Variants in MORC4 observed in about 807,000 individuals in gnomAD.
The protein encoded by MORC4 is MORC family CW-type zinc finger 4, also known as MORC family CW-type zinc finger protein 4.
Under a neutral mutation model 65.5 loss-of-function variants are expected in MORC4, and 22 were observed. The ratio of observed to expected loss-of-function variants is 0.34; its 90% CI spans 0.24 to 0.48. MORC4 has a LOEUF of 0.48. Among genes scored for constraint, MORC4 ranks in the 20% least tolerant of loss-of-function variants. MORC4 has a pLI of 0.99. For missense variants in MORC4, 624 were observed against 703.0 expected (o/e 0.89, Z 1.27); for synonymous variants, 267 against 255.8 (o/e 1.04, Z -0.42).
Position 106,956,516 on chromosome X carries a change from C to T in MORC4, c.1473G>A (p.Glu491=). The T allele has an allele frequency of 8.3e-7, 1 of 1,207,469 alleles. No individual in the cohort carries two copies. The highest frequency in any genetic ancestry group is 1.1e-6 in the Non-Finnish European group (1 of 891,515). The part of the protein sequence containing the change: ...KAKKQEQTVE[E]KKKMPMENEN... ...CATTTTCCATAGGCATCTTCTTCTT[C>T]TCCTCAACAGTTTGTTCTCTAGGAG... Residue 491 remains glutamate, a synonymous_variant, in exon 13 of 17, where the codon GAG becomes GAA. Coordinates refer to ENST00000355610, the MANE Select transcript of MORC4 (RefSeq NM_024657.5).
intron 13 of MORC4, 63 bp from the exon 14 acceptor site, chrX:106,955,151 C>G (rs1030017149): frequency 1.2e-6 from 1 of 839,874 alleles, no homozygotes; most frequent in Non-Finnish European, 1.7e-6. Flanking sequence ...AAGGATGAGT[C>G]AATCCTTCTG....
chrX:106,976,318 T>C (rs1191068742), intron 9 of MORC4, among the ~76,000 whole-genome samples: 1 of 112,020 alleles, frequency 8.9e-6, no homozygotes, highest in Non-Finnish European at 1.9e-5. Context: ...AAGCTTTTCA[T>C]TTCCCCAGAA....
chrX:106,951,057 T>C (rs1933955568), intron 14 of MORC4, among the ~76,000 whole-genome samples: 1 of 112,040 alleles, frequency 8.9e-6, no homozygotes, highest in African/African-American at 3.3e-5. Context: ...GAGTCCACTA[T>C]GCTCCTCATT....
intron 9 of MORC4, among the ~76,000 whole-genome samples, chrX:106,966,601 G>A (rs1272332019): frequency 1.8e-5 from 2 of 112,861 alleles, no homozygotes; most frequent in South Asian, 3.6e-4. Flanking sequence ...CTTTTCCCTC[G>A]GTCTTTGCAA....
At chrX:106,975,775 T>A (rs1429931348) in intron 9 of MORC4, among the ~76,000 whole-genome samples, 4 of 111,204 alleles carry the variant, frequency 3.6e-5, no homozygotes, top group Non-Finnish European at 7.6e-5. Context: ...TTCCTTCATA[T>A]TTAATATCAA....
intron 14 of MORC4, among the ~76,000 whole-genome samples, chrX:106,943,519 G>C (rs1193350608): frequency 2.7e-5 from 3 of 111,593 alleles, no homozygotes; most frequent in Non-Finnish European, 5.6e-5. Context: ...AAAGATGCAA[G>C]TCAAGAGGGA....
chrX:106,968,785 C>T (rs113680453), intron 9 of MORC4, among the ~76,000 whole-genome samples: 9,321 of 110,283 alleles, frequency 0.085, 996 homozygotes, highest in African/African-American at 0.29. Flanking sequence ...GAGCTAACTA[C>T]CCTAAATATA....
In MORC4 at chrX:106,975,001, C is replaced by A. The variant is rs748071035; in HGVS notation, c.1157+1583G>T. 1.4e-3 allele frequency among the ~76,000 whole-genome samples: 160 copies of A among 111,041 alleles called. 1 individual carries two copies. The highest frequency in any genetic ancestry group is 4.9e-3 in the African/African-American group (150 of 30,600). ...ATGTTATGCTAAGTAAGTCAGAAATCCTGTGTGTTCAACTGAATAAATCTA... is the reference window on the plus strand; with the variant it reads ...ATGTTATGCTAAGTAAGTCAGAAATACTGTGTGTTCAACTGAATAAATCTA... On this transcript the variant is annotated intron_variant, in intron 9 of 16. Coordinates refer to ENST00000355610, the MANE Select transcript of MORC4 (RefSeq NM_024657.5).
chrX:106,964,305 T>C (rs1413777127), intron 9 of MORC4, among the ~76,000 whole-genome samples: 1 of 111,361 alleles, frequency 9.0e-6, no homozygotes, highest in Non-Finnish European at 1.9e-5. Context: ...ATCAGTGAAC[T>C]TGAAGATAAA....
intron 12 of MORC4, 88 bp downstream of exon 12, chrX:106,956,848 A>G: frequency 1.4e-6 from 1 of 708,313 alleles, no homozygotes; most frequent in Non-Finnish European, 2.1e-6. Context: ...AACCAAAAAA[A>G]TTCTCTCTTC....
chrX:106,971,444 A>G (rs1316847960), intron 9 of MORC4, among the ~76,000 whole-genome samples: 1 of 112,318 alleles, frequency 8.9e-6, no homozygotes, highest in Non-Finnish European at 1.9e-5. Flanking sequence ...AGCAATGGCA[A>G]CAAAAGCCAA....
chrX:106,965,184 A>G (rs764876211), intron 9 of MORC4, among the ~76,000 whole-genome samples: 2 of 112,179 alleles, frequency 1.8e-5, no homozygotes, highest in South Asian at 7.4e-4. Context: ...TGTGATAACA[A>G]CTGAAAGGAA....
intron 15 of MORC4, 47 bp from the exon 16 acceptor site, chrX:106,942,268 C>G (rs763281544): frequency 1.7e-6 from 2 of 1,156,572 alleles, no homozygotes; most frequent in Admixed American, 5.0e-5. Flanking sequence ...AAAGAGCACG[C>G]CAAAAACCGT....
chrX:106,979,044 T>C (rs966869300), intron 7 of MORC4, among the ~76,000 whole-genome samples: 1 of 111,466 alleles, frequency 9.0e-6, no homozygotes, highest in African/African-American at 3.2e-5. Flanking sequence ...AAAGGGGAGA[T>C]AGAGAAACTG....
chrX:106,951,283 T>A (rs907594400), intron 14 of MORC4, among the ~76,000 whole-genome samples: 3 of 112,576 alleles, frequency 2.7e-5, no homozygotes, highest in African/African-American at 9.7e-5. Flanking sequence ...TATGAACTAA[T>A]TAGCCTTTGA....
In MORC4 at chrX:107,000,065, G is replaced by A; in HGVS notation, c.-96C>T. 3.8e-6 allele frequency: 1 copy of A among 266,040 alleles called. No individual in the cohort carries two copies. Among genetic ancestry groups the A allele is most frequent in the Non-Finnish European group, 5.8e-6 (1 of 173,600 alleles). 21.9% of individuals were successfully genotyped at this position (266,040 alleles called of 1,213,427 possible). On this transcript the variant is annotated 5_prime_UTR_variant, in exon 1 of 17. Coordinates refer to ENST00000355610, the MANE Select transcript of MORC4 (RefSeq NM_024657.5). Reference sequence around the variant, plus strand: ...CTCACTTCCACTCGCAGCTGGCGGCGACCGTCCGGGACCGGCCCTCCCTCG... The same window carrying A: ...CTCACTTCCACTCGCAGCTGGCGGCAACCGTCCGGGACCGGCCCTCCCTCG...
intron 9 of MORC4, among the ~76,000 whole-genome samples, chrX:106,964,074 C>T (rs773101914): frequency 2.7e-5 from 3 of 111,582 alleles, no homozygotes; most frequent in South Asian, 3.8e-4. Context: ...AATAGATCAA[C>T]TCGACAAAGA....
intron 9 of MORC4, among the ~76,000 whole-genome samples, chrX:106,963,889 C>CA (rs112201500): frequency 2.0e-3 from 210 of 104,374 alleles, no homozygotes; most frequent in East Asian, 4.6e-3. Context: ...ACAACAACAA[C>CA]AACAAAAAAA....
At chrX:106,958,280 C>G (rs745979890) in intron 11 of MORC4, 56 bp downstream of exon 11, 23 of 1,104,667 alleles carry the variant, frequency 2.1e-5, no homozygotes, top group Non-Finnish European at 2.8e-5. Context: ...ATGTTTTAGA[C>G]TATAGAGATA....
Sources: allele counts gnomAD v4.1 joint callset (sites outside exome capture counted in the v4.1 genomes callset), GRCh38; gene constraint gnomAD v4.1.1; transcripts MANE v1.5; gene names NCBI Gene and HGNC (gene_info 2026-07-23, HGNC 2026-07-21).